The following GRIK2 variants were observed in gnomAD, a reference collection of about 807,000 sequenced individuals.
GRIK2 encodes the protein glutamate receptor ionotropic, kainate 2.
Under a neutral mutation model 100.3 loss-of-function variants are expected in GRIK2, and 32 were observed. The ratio of observed to expected loss-of-function variants is 0.32; its 90% confidence interval spans 0.24 to 0.43. The LOEUF (loss-of-function observed/expected upper bound fraction) is 0.43, where lower values mean the gene tolerates loss of function less well. Among genes scored for constraint, GRIK2 ranks in the 20% least tolerant of loss-of-function variants. The pLI, the probability that GRIK2 is intolerant of heterozygous loss-of-function variation, is 1.00. For synonymous variants in GRIK2, 417 were observed against 389.4 expected (o/e 1.07, Z -0.83); for missense variants, 843 against 1,114.9 (o/e 0.76, Z 3.47).
intron 6 of GRIK2, among the ~76,000 whole-genome samples, chr6:101,684,976 A>C (rs1009308295): frequency 3.9e-5 from 6 of 152,114 alleles, no homozygotes; most frequent in African/African-American, 1.2e-4. Flanking sequence ...ATAAGGTCAC[A>C]GAGTGACCTT....
chr6:102,028,390 A>C (rs1769811764), intron 14 of GRIK2, among the ~76,000 whole-genome samples: 1 of 151,314 alleles, frequency 6.6e-6, no homozygotes, highest in African/African-American at 2.4e-5. Context: ...GTAGAAAAAA[A>C]CAAATCGGCT....
intron 10 of GRIK2, among the ~76,000 whole-genome samples, chr6:101,819,904 C>T (rs955924372): frequency 6.6e-6 from 1 of 152,172 alleles, no homozygotes; most frequent in African/African-American, 2.4e-5. Context: ...CATTTCTCTA[C>T]TTCTTTGTTA....
intron 10 of GRIK2, among the ~76,000 whole-genome samples, chr6:101,827,973 A>G (rs1039315357): frequency 6.6e-6 from 1 of 151,990 alleles, no homozygotes; most frequent in Admixed American, 6.6e-5. Context: ...CCCACAGAAT[A>G]TACATTCTTC....
intron 2 of GRIK2, among the ~76,000 whole-genome samples, chr6:101,413,988 G>T (rs1256289974): frequency 6.6e-6 from 1 of 152,066 alleles, no homozygotes; most frequent in Non-Finnish European, 1.5e-5. Context: ...TTACCCATGT[G>T]CCAGACACTT....
intron 1 of GRIK2, 86 bp from the exon 2 acceptor site, chr6:101,398,899 G>A (rs907011122): frequency 2.4e-6 from 1 of 424,968 alleles, no homozygotes. Context: ...AGCGCCTTTT[G>A]TGCCGGGCTG....
rs980468083 is a variant in GRIK2, at chr6:101,639,083, A to G, written c.541+12446A>G. The stretch of plus-strand genomic sequence containing the variant: ...TAAGAGGGAGTCTCGCTCTGTCGCC[A>G]GGCTGGAATGCAGTGGCGCAATCTC... On this transcript the variant is annotated intron_variant, in intron 4 of 16. Coordinates refer to ENST00000369134, the MANE Select transcript of GRIK2 (RefSeq NM_021956.5). 8.5e-5 allele frequency among the ~76,000 whole-genome samples: 13 copies of G among 152,188 alleles called. No homozygotes were observed. The South Asian group carries it at 2.1e-3, about 24-fold the overall frequency.
chr6:101,599,237 A>G (rs916093278), intron 2 of GRIK2, among the ~76,000 whole-genome samples: 1 of 151,856 alleles, frequency 6.6e-6, no homozygotes, highest in African/African-American at 2.4e-5. Context: ...GTGCTGCTGC[A>G]AAGGACACCA....
chr6:101,989,917 A>G (rs1307406399), intron 14 of GRIK2, among the ~76,000 whole-genome samples: 1 of 151,604 alleles, frequency 6.6e-6, no homozygotes, highest in African/African-American at 2.4e-5. Flanking sequence ...CTCATTTACT[A>G]AATATGACTA....
chr6:101,650,063 T>C (rs540569914), intron 4 of GRIK2, among the ~76,000 whole-genome samples: 1 of 152,286 alleles, frequency 6.6e-6, no homozygotes, highest in Non-Finnish European at 1.5e-5. Flanking sequence ...GACAAATTAC[T>C]GTTTCCTTTG....
chr6:101,605,587 T>G (rs139972312), intron 2 of GRIK2, among the ~76,000 whole-genome samples: 322 of 152,158 alleles, frequency 2.1e-3, no homozygotes, highest in Middle Eastern at 6.8e-3. Context: ...TTTAAAATCT[T>G]TAACTACCCT....
chr6:101,817,772 A>G (rs554252639), intron 9 of GRIK2, among the ~76,000 whole-genome samples: 4 of 152,200 alleles, frequency 2.6e-5, no homozygotes, highest in African/African-American at 4.8e-5. Context: ...AAGTATTGGA[A>G]TGTGTTATTC....
In GRIK2 at chr6:101,399,193, C is replaced by G; in HGVS notation, c.-85C>G. On this transcript the variant is annotated 5_prime_UTR_variant, in exon 2 of 17. Transcript: ENST00000369134. ...CGTGATCGTGTCTGCGGTCACCACT[C>G]GACGCATCCTCATTTCTACCCGAAC... 1 of 762,986 alleles carries G rather than the reference C, an allele frequency of 1.3e-6. No homozygotes were observed. Among genetic ancestry groups the G allele is most frequent in the East Asian group, 2.4e-5 (1 of 40,936 alleles). 47.3% of individuals were successfully genotyped at this position (762,986 alleles called of 1,614,324 possible).
At chr6:101,400,185 T>C in intron 2 of GRIK2, among the ~76,000 whole-genome samples, 1 of 152,212 alleles carries the variant, frequency 6.6e-6, no homozygotes, top group East Asian at 1.9e-4. Context: ...TAAGTCTGCA[T>C]CTTTCACTTT....
At chr6:101,554,990 T>C (rs1307957144) in intron 2 of GRIK2, among the ~76,000 whole-genome samples, 3 of 152,180 alleles carry the variant, frequency 2.0e-5, no homozygotes, top group Non-Finnish European at 2.9e-5. Context: ...GAATTGCAAG[T>C]AAATTTAATT....
At chr6:101,626,679 A>C (rs1197103246) in intron 4 of GRIK2, 42 bp downstream of exon 4, 4 of 1,550,548 alleles carry the variant, frequency 2.6e-6, no homozygotes, top group South Asian at 1.2e-5. Flanking sequence ...CTTTAAATAT[A>C]GATAATTTTC....
chr6:101,922,114 T>C lies in GRIK2; in HGVS notation c.1749-2487T>C, dbSNP rs1411198321. On this transcript the variant is annotated intron_variant, in intron 12 of 16. Coordinates refer to ENST00000369134, the MANE Select transcript of GRIK2 (RefSeq NM_021956.5). The stretch of plus-strand genomic sequence containing the variant: ...TTCCTTCCTTCCTTCCTTCCTTCCT[T>C]CCTTCCTTCCTTCCTTCCTTCCTTC... Among the ~76,000 whole-genome samples, 88 of 16,298 alleles carry C rather than the reference T, an allele frequency of 5.4e-3. 2 individuals carry two copies. Among genetic ancestry groups the C allele is most frequent in the African/African-American group, 0.023 (84 of 3,630 alleles). 10.7% of individuals were successfully genotyped at this position (16,298 alleles called of 152,430 possible). A position where few individuals can be genotyped will look rare whatever the true frequency, so the allele number is the denominator to read the frequency against.
chr6:101,595,567 A>G (rs1237794022), intron 2 of GRIK2, among the ~76,000 whole-genome samples: 2 of 151,524 alleles, frequency 1.3e-5, no homozygotes, highest in East Asian at 3.9e-4. Context: ...ATGTAAGAAT[A>G]GGGATTTTAT....
intron 12 of GRIK2, among the ~76,000 whole-genome samples, chr6:101,893,489 T>G (rs572272463): frequency 1.3e-5 from 2 of 151,938 alleles, no homozygotes; most frequent in African/African-American, 4.8e-5. Context: ...ATTTAAATAT[T>G]GTCAAAATTT....
chr6:102,067,942 AAGT>A (rs1205235890), intron 16 of GRIK2, among the ~76,000 whole-genome samples: 2 of 151,908 alleles, frequency 1.3e-5, no homozygotes, highest in African/African-American at 4.8e-5. Flanking sequence ...GTGATCTGAA[AAGT>A]AGTATGATTT....
Sources: allele counts gnomAD v4.1 joint callset (sites outside exome capture counted in the v4.1 genomes callset), GRCh38; gene constraint gnomAD v4.1.1; transcripts MANE v1.5; gene names NCBI Gene and HGNC (gene_info 2026-07-23, HGNC 2026-07-21).